The following NEFL variants were observed in gnomAD, a reference collection of about 807,000 sequenced individuals.
NEFL encodes the protein neurofilament light chain.
In NEFL, 36 loss-of-function variants were observed where a neutral mutation model predicts 51.6. The ratio of observed to expected loss-of-function variants is 0.70; its 90% confidence interval spans 0.53 to 0.92. NEFL has a LOEUF of 0.92. Among genes scored for constraint, NEFL ranks in the 40% least tolerant of loss-of-function variants. The probability of loss-of-function intolerance (pLI) is 0.00; values close to 1 mark genes in which losing one functional copy is unlikely to be tolerated. For synonymous variants in NEFL, 332 were observed against 302.5 expected (o/e 1.10, Z -1.01); for missense variants, 671 against 722.0 (o/e 0.93, Z 0.81).
In NEFL at chr8:24,956,297, C is replaced by CAGGT; in HGVS notation, c.215_218dup (p.Ser74ProfsTer27). The CAGGT allele has an allele frequency of 6.2e-7, 1 of 1,610,942 alleles. No homozygotes were observed. The highest frequency in any genetic ancestry group is 8.5e-7 in the Non-Finnish European group (1 of 1,178,766). On this transcript the variant is annotated frameshift_variant, in exon 1 of 4. Transcript: ENST00000610854. LOFTEE classifies it high-confidence loss of function. This position sits in a 1 kb window ranked among gnomAD's most constrained non-coding sequence, Gnocchi z 5.9. ...CGTTGCTGATGGCGGCTACCTGGCTCAGGTCGAGGTTCTCCAGACTGGGCA... is the reference window on the plus strand; with the variant it reads ...CGTTGCTGATGGCGGCTACCTGGCTCAGGTAGGTCGAGGTTCTCCAGACTGGGCA...
In NEFL at chr8:24,952,100, C is replaced by T. The variant is rs1802976947; in HGVS notation, c.*710G>A. 6.6e-6 allele frequency: 1 copy of T among 152,560 alleles called. No individual in the cohort carries two copies. Among genetic ancestry groups the T allele is most frequent in the South Asian group, 2.1e-4 (1 of 4,834 alleles). The allele number at this position is 152,560 out of a possible 1,614,324, so 9.5% of individuals were successfully genotyped here. On this transcript the variant is annotated 3_prime_UTR_variant, in exon 4 of 4. Transcript: ENST00000610854. ...TAGAAAGCCATCCCAAAACCTAACA[C>T]AACACGTGTTATGAGGCAAAGTCTA...
In NEFL at chr8:24,954,311, T is replaced by C. The variant is rs1483409204; in HGVS notation, c.1045-6A>G. 1 of 1,608,210 alleles carries C rather than the reference T, an allele frequency of 6.2e-7. No individual in the cohort carries two copies. The highest frequency in any genetic ancestry group is 8.5e-7 in the Non-Finnish European group (1 of 1,178,460). ...TCTAATTTGTTGATCGTGTCCTGTT[T>C]GAAGACAAAAATAAAACAAAAAAAA... On this transcript the variant is annotated splice_region_variant and splice_polypyrimidine_tract_variant and intron_variant, in intron 1 of 3. Transcript: ENST00000610854.
intron 3 of NEFL, 88 bp downstream of exon 3, chr8:24,953,388 A>G: frequency 2.6e-6 from 4 of 1,537,162 alleles, no homozygotes; most frequent in Non-Finnish European, 3.5e-6. Context: ...TGAATAAATG[A>G]GCAAGGCTTC....
rs774138147 is a variant in NEFL at position 24,953,585 on chromosome 8, A to G, written c.1380T>C (p.Ala460=). Residue 460 remains alanine, a synonymous_variant, in exon 3 of 4, where the codon GCT becomes GCC. Coordinates refer to ENST00000610854, the MANE Select transcript of NEFL (RefSeq NM_006158.5). ...EQIEVEETIE[A]AKAEEAKDEP... ...CATCCTTGGCTTCCTCAGCCTTGGC[A>G]GCCTCAATGGTTTCCTCCACTTCGA... is the stretch of plus-strand genomic sequence containing the variant. 43 of 1,613,768 alleles carry G rather than the reference A, an allele frequency of 2.7e-5. No homozygotes were observed. Among genetic ancestry groups the G allele is most frequent in the Non-Finnish European group, 3.6e-5 (42 of 1,179,882 alleles).
intron 3 of NEFL, 24 bp from the exon 4 acceptor site, chr8:24,952,976 C>T (rs543672478): frequency 4.5e-5 from 72 of 1,593,348 alleles, no homozygotes; most frequent in Non-Finnish European, 5.9e-5. Context: ...AGAAAATGTA[C>T]AAAATGCAAA....
Position 24,955,492 on chromosome 8 carries a change from C to A in NEFL, c.1024G>T (p.Ala342Ser). ...CGCACCTGCATAGCGCTGATGTCGG[C>A]GTTCTGCTTGTCCTCCAGCTCCTGC... Reference protein sequence around the residue: ...QLQELEDKQNADISAMQDTIN... With the variant: ...QLQELEDKQNSDISAMQDTIN... Residue 342 changes from alanine to serine, a missense_variant, in exon 1 of 4, where the codon GCC (alanine) becomes TCC (serine). Physicochemically the swap from Ala to Ser is moderately conservative, Grantham distance 99. Transcript: ENST00000610854. The surrounding 1 kb of genome is among the most constrained non-coding windows in gnomAD (Gnocchi z 4.0). 1 of 1,609,826 alleles carries A rather than the reference C, an allele frequency of 6.2e-7. No homozygotes were observed. The highest frequency in any genetic ancestry group is 8.5e-7 in the Non-Finnish European group (1 of 1,178,848).
Position 24,956,288 on chromosome 8 carries a change from T to A in NEFL, c.228A>T (p.Val76=). Residue 76 remains valine (V), a synonymous_variant, in exon 1 of 4, where the codon GTA becomes GTT. Coordinates refer to ENST00000610854, the MANE Select transcript of NEFL (RefSeq NM_006158.5). The surrounding 1 kb of genome is among the most constrained non-coding windows in gnomAD (Gnocchi z 5.9). ...ACTTGAGGTCGTTGCTGATGGCGGCTACCTGGCTCAGGTCGAGGTTCTCCA... is the reference window on the plus strand; with the variant it reads ...ACTTGAGGTCGTTGCTGATGGCGGCAACCTGGCTCAGGTCGAGGTTCTCCA... ...PSLENLDLSQ[V]AAISNDLKSI... The A allele has an allele frequency of 6.2e-7, 1 of 1,611,434 alleles. No individual in the cohort carries two copies. Among genetic ancestry groups the A allele is most frequent in the East Asian group, 2.2e-5 (1 of 44,804 alleles).
At position 24,952,669 on chromosome 8, in the gene NEFL, C is replaced by T. The variant is rs1363591079; in HGVS notation, c.*141G>A. 1 of 1,316,764 alleles carries T rather than the reference C, an allele frequency of 7.6e-7. No individual in the cohort carries two copies. The highest frequency in any genetic ancestry group is 2.4e-5 in the Admixed American group (1 of 41,910). 81.6% of individuals were successfully genotyped at this position (1,316,764 alleles called of 1,614,324 possible). On this transcript the variant is annotated 3_prime_UTR_variant, in exon 4 of 4. Coordinates refer to ENST00000610854, the MANE Select transcript of NEFL (RefSeq NM_006158.5). ...AATTCATAGCACAACATTGAATGTC[C>T]AACCTAAGTCATCTCAGAATTATAC...
rs768977974 is a variant in NEFL, at chr8:24,951,081, C to T, written c.*1729G>A. 1.2e-4 allele frequency: 19 copies of T among 152,604 alleles called. No individual in the cohort carries two copies. The highest frequency in any genetic ancestry group is 1.9e-4 in the Non-Finnish European group (13 of 68,024). 9.5% of individuals were successfully genotyped at this position (152,604 alleles called of 1,614,324 possible). On this transcript the variant is annotated 3_prime_UTR_variant, in exon 4 of 4. Transcript: ENST00000610854. ...GGCTAAAGTTACTTTTTGCACATAG[C>T]TTGCATCTGTTTGAGACTTACCATG... is the stretch of plus-strand genomic sequence containing the variant.
chr8:24,953,699 A>G lies in NEFL; in HGVS notation c.1266T>C (p.Ser422=). 4 of 1,614,032 alleles carry G rather than the reference A, an allele frequency of 2.5e-6. 1 individual carries two copies. The South Asian group carries it at 4.4e-5, about 18-fold the overall frequency. The change falls in exon 3 of 4, where the codon TCT becomes TCC. Residue 422 remains serine (S), a synonymous_variant. Transcript: ENST00000610854. ...AGCTGGTCTGTAAACCGCCGTAGGCAGATCGGCCAAAGACCTGGGAGCTCT... is the reference window on the plus strand; with the variant it reads ...AGCTGGTCTGTAAACCGCCGTAGGCGGATCGGCCAAAGACCTGGGAGCTCT... The part of the protein sequence containing the change: ...YSQSSQVFGR[S]AYGGLQTSSY...
rs1802970764 is a variant in NEFL at position 24,951,626 on chromosome 8, T to C, written c.*1184A>G. 1 of 152,600 alleles carries C rather than the reference T, an allele frequency of 6.6e-6. No homozygotes were observed. The highest frequency in any genetic ancestry group is 2.1e-4 in the South Asian group (1 of 4,834). 9.5% of individuals were successfully genotyped at this position (152,600 alleles called of 1,614,324 possible). On this transcript the variant is annotated 3_prime_UTR_variant, in exon 4 of 4. Transcript: ENST00000610854. Reference sequence around the variant, plus strand: ...ATTACCTCCCCCCTTAAGTGACTCATAATTTCATTACTTGTGTCTGTAGCT... The same window carrying C: ...ATTACCTCCCCCCTTAAGTGACTCACAATTTCATTACTTGTGTCTGTAGCT...
intron 1 of NEFL, among the ~76,000 whole-genome samples, chr8:24,954,534 TTC>T (rs969756853): frequency 1.3e-5 from 2 of 152,242 alleles, no homozygotes; most frequent in African/African-American, 4.8e-5. Context: ...AATTCTGTTC[TTC>T]TGTTTCTTTA....
At position 24,955,449 on chromosome 8, in the gene NEFL, C is replaced by G. The variant is rs756528303; in HGVS notation, c.1044+23G>C. ...CCCCTTGCTCGAGTCCCCCGCCCCC[C>G]TGTGTTTCTGGCCGTGCCGCACCTG... On this transcript the variant is annotated intron_variant, in intron 1 of 3. Coordinates refer to ENST00000610854, the MANE Select transcript of NEFL (RefSeq NM_006158.5). The surrounding 1 kb of genome is among the most constrained non-coding windows in gnomAD (Gnocchi z 4.0). The G allele has an allele frequency of 1.0e-5, 16 of 1,559,630 alleles. No homozygotes were observed. The East Asian group carries it at 3.6e-4, about 35-fold the overall frequency.
rs60156239 is a variant in NEFL, at chr8:24,955,849, G to A, written c.667C>T (p.Leu223=). The A allele has an allele frequency of 6.6e-3, 10,563 of 1,610,090 alleles. 54 individuals are homozygous for A. The highest frequency in any genetic ancestry group is 7.7e-3 in the Non-Finnish European group (9,142 of 1,179,776). The change falls in exon 1 of 4, where the codon CTG becomes TTG. Residue 223 remains leucine (L), a synonymous_variant. Transcript: ENST00000610854. The surrounding 1 kb of genome is among the most constrained non-coding windows in gnomAD (Gnocchi z 4.0). The part of the protein sequence containing the change: ...IDSLMDEISF[L]KKVHEEEIAE... ...ATCTCCTCTTCGTGCACTTTCTTCA[G>A]AAAAGAGATTTCGTCCATCAAGCTG...
Position 24,955,419 on chromosome 8 carries a change from CTCCCCCCCT to C in NEFL, c.1044+44_1044+52del. On this transcript the variant is annotated intron_variant, in intron 1 of 3. Coordinates refer to ENST00000610854, the MANE Select transcript of NEFL (RefSeq NM_006158.5). This position sits in a 1 kb window ranked among gnomAD's most constrained non-coding sequence, Gnocchi z 4.0. ...GGTCTCCACTTTCTGGGCGCACCAACTCCCCCCCTTGCTCGAGTCCCCCGCCCCCCTGTG... is the reference window on the plus strand; with the variant it reads ...GGTCTCCACTTTCTGGGCGCACCAACTGCTCGAGTCCCCCGCCCCCCTGTG... 2 of 1,395,294 alleles carry C rather than the reference CTCCCCCCCT, an allele frequency of 1.4e-6. No homozygotes were observed. Among genetic ancestry groups the C allele is most frequent in the Non-Finnish European group, 1.9e-6 (2 of 1,027,510 alleles). 86.4% of individuals were successfully genotyped at this position (1,395,294 alleles called of 1,614,324 possible).
Position 24,954,251 on chromosome 8 carries a change from G to C in NEFL, c.1099C>G (p.Arg367Gly), listed in dbSNP as rs201616934. The C allele has an allele frequency of 1.9e-6, 3 of 1,613,426 alleles. No individual in the cohort carries two copies. Among genetic ancestry groups the C allele is most frequent in the Non-Finnish European group, 1.7e-6 (2 of 1,179,710 alleles). The change falls in exon 2 of 4, where the codon CGA becomes GGA. Residue 367 changes from arginine (R) to glycine (G), a missense_variant. By Grantham distance (125) the Arg-to-Gly change is moderately radical (BLOSUM62 -2). Coordinates refer to ENST00000610854, the MANE Select transcript of NEFL (RefSeq NM_006158.5). ...ELRTTKSEMA[R>G]YLKEYQDLLN... The stretch of plus-strand genomic sequence containing the variant: ...AGGTCTTGGTATTCTTTTAGGTATC[G>C]TGCCATTTCACTCTTTGTGGTCCTC...
In NEFL at chr8:24,955,247, T is replaced by C; in HGVS notation, c.1044+225A>G. The C allele has an allele frequency of 1.9e-6, 1 of 539,640 alleles. No homozygotes were observed. Among genetic ancestry groups the C allele is most frequent in the Non-Finnish European group, 3.2e-6 (1 of 308,390 alleles). The allele number at this position is 539,640 out of a possible 1,614,324, so 33.4% of individuals were successfully genotyped here. On this transcript the variant is annotated intron_variant, in intron 1 of 3. Transcript: ENST00000610854. This position sits in a 1 kb window ranked among gnomAD's most constrained non-coding sequence, Gnocchi z 4.0. ...CCCAACAAGGGCTGGGCAGCTTTAA[T>C]GCGGAACGCCGGTGCAGCAGCACGG...
Position 24,956,333 on chromosome 8 carries a change from A to G in NEFL, c.183T>C (p.Ser61=), listed in dbSNP as rs2117255763. Reference sequence around the variant, plus strand: ...TCTCCAGACTGGGCATCAACGATCCAGAGCTGGAGGAGTAGCTGCGGCGCA... The same window carrying G: ...TCTCCAGACTGGGCATCAACGATCCGGAGCTGGAGGAGTAGCTGCGGCGCA... ...LSVRRSYSSS[S]GSLMPSLENL... is the part of the protein sequence containing the mutation. The change falls in exon 1 of 4, where the codon TCT becomes TCC. Residue 61 remains serine (S), a synonymous_variant. Transcript: ENST00000610854. The surrounding 1 kb of genome is among the most constrained non-coding windows in gnomAD (Gnocchi z 5.9). 1 of 1,610,490 alleles carries G rather than the reference A, an allele frequency of 6.2e-7. No individual in the cohort carries two copies. The highest frequency in any genetic ancestry group is 8.5e-7 in the Non-Finnish European group (1 of 1,178,472).
Position 24,953,793 on chromosome 8 carries a change from T to A in NEFL, c.1172A>T (p.Lys391Ile), listed in dbSNP as rs1282568860. The change falls in exon 3 of 4, where the codon AAA (lysine) becomes ATA (isoleucine). Residue 391 changes from lysine to isoleucine, a missense_variant and splice_region_variant. Coordinates refer to ENST00000610854, the MANE Select transcript of NEFL (RefSeq NM_006158.5). ...ALDIEIAAYR[K>I]LLEGEETRLS... is the part of the protein sequence containing the mutation. ...TCGGGTCTCCTCGCCTTCCAAGAGT[T>A]TCCTGGGGATGCAGATGCAAGGTGA... 1 of 1,607,910 alleles carries A rather than the reference T, an allele frequency of 6.2e-7. No individual in the cohort carries two copies. The highest frequency in any genetic ancestry group is 8.5e-7 in the Non-Finnish European group (1 of 1,175,934).
Sources: allele counts gnomAD v4.1 joint callset (sites outside exome capture counted in the v4.1 genomes callset), GRCh38; gene constraint gnomAD v4.1.1; non-coding constraint Gnocchi (gnomAD v3.1); transcripts MANE v1.5; gene names NCBI Gene and HGNC (gene_info 2026-07-23, HGNC 2026-07-21).